ADGRL3: variants seen among roughly 807,000 people sequenced by gnomAD.
ADGRL3 encodes the protein calcium-independent alpha-latrotoxin receptor 3.
ADGRL3 carries 62 observed loss-of-function variants against 153.5 expected under a neutral mutation model. The ratio of observed to expected loss-of-function variants is 0.40; its 90% CI spans 0.33 to 0.50. The LOEUF (loss-of-function observed/expected upper bound fraction) is 0.50. Among genes scored for constraint, ADGRL3 ranks in the 20% least tolerant of loss-of-function variants. The pLI, the probability that ADGRL3 is intolerant of heterozygous loss-of-function variation, is 0.47. For missense variants in ADGRL3, 1,641 were observed against 1,859.4 expected, an observed-to-expected ratio of 0.88 and a Z score of 2.16; for synonymous variants, 710 against 672.5, an observed-to-expected ratio of 1.06 and a Z score of -0.86.
At chr4:61,659,284 A>G (rs966720835) in intron 5 of ADGRL3, among the ~76,000 whole-genome samples, 10 of 152,114 alleles carry the variant, frequency 6.6e-5, no homozygotes, top group Admixed American at 3.3e-4. Flanking sequence ...GCTCTTAAAC[A>G]TATCTTTTTG....
intron 1 of ADGRL3, among the ~76,000 whole-genome samples, chr4:61,247,444 T>C (rs532507213): frequency 6.6e-6 from 1 of 152,230 alleles, no homozygotes; most frequent in South Asian, 2.1e-4. Context: ...CAGCACAAAT[T>C]GTAAATCTTG....
chr4:61,432,498 T>C (rs1160775955), intron 2 of ADGRL3, among the ~76,000 whole-genome samples: 1 of 151,838 alleles, frequency 6.6e-6, no homozygotes, highest in Non-Finnish European at 1.5e-5. Context: ...GGTATGAAGT[T>C]GCTAATTTCT....
At chr4:61,931,609 T>G (rs2098817872) in intron 13 of ADGRL3, among the ~76,000 whole-genome samples, 1 of 152,190 alleles carries the variant, frequency 6.6e-6, no homozygotes, top group Admixed American at 6.5e-5. Context: ...TCTATCCTTG[T>G]GTAAACATTT....
At chr4:62,046,922 T>G (rs1731431285) in intron 25 of ADGRL3, among the ~76,000 whole-genome samples, 1 of 151,982 alleles carries the variant, frequency 6.6e-6, no homozygotes. Flanking sequence ...TTTAATCTTG[T>G]CTTATTTCCC....
chr4:62,007,383 T>TAC (rs71269038), intron 21 of ADGRL3, among the ~76,000 whole-genome samples: 6 of 30,766 alleles, frequency 2.0e-4, no homozygotes, highest in African/African-American at 6.3e-4. Context: ...TATATATATA[T>TAC]ACACACACAC....
chr4:61,434,121 G>T (rs1028996352), intron 2 of ADGRL3, among the ~76,000 whole-genome samples: 4 of 152,064 alleles, frequency 2.6e-5, no homozygotes, highest in African/African-American at 9.7e-5. Flanking sequence ...TTTCGGATCT[G>T]GTTATTTTTC....
chr4:61,308,360 C>T (rs189200439), intron 1 of ADGRL3, among the ~76,000 whole-genome samples: 24 of 152,198 alleles, frequency 1.6e-4, no homozygotes, highest in Admixed American at 1.2e-3. Context: ...GGAAGGGTGA[C>T]AGTGAGAAGA....
intron 2 of ADGRL3, among the ~76,000 whole-genome samples, chr4:61,455,874 A>G (rs1405257233): frequency 6.6e-6 from 1 of 151,998 alleles, no homozygotes; most frequent in Non-Finnish European, 1.5e-5. Context: ...GGCATGTAGT[A>G]GTTTGATCTC....
At chr4:61,219,556 T>A (rs778468680) in intron 1 of ADGRL3, among the ~76,000 whole-genome samples, 3 of 152,218 alleles carry the variant, frequency 2.0e-5, no homozygotes, top group Non-Finnish European at 4.4e-5. Flanking sequence ...CGATGATACC[T>A]GAAAAGAGAA....
At chr4:61,605,048 C>T (rs578005022) in intron 5 of ADGRL3, among the ~76,000 whole-genome samples, 4 of 124,708 alleles carry the variant, frequency 3.2e-5, no homozygotes, top group South Asian at 2.6e-4. Flanking sequence ...TGAGATCATG[C>T]CATTGCACTT....
chr4:62,025,141 G>A (rs796388975), intron 21 of ADGRL3, among the ~76,000 whole-genome samples: 5 of 152,100 alleles, frequency 3.3e-5, no homozygotes, highest in Admixed American at 1.3e-4. Context: ...AAGATGAAAT[G>A]TTTAGATTTT....
In ADGRL3 at chr4:61,930,564, C is replaced by A. The variant is rs140624008; in HGVS notation, c.2113-4276C>A. On this transcript the variant is annotated intron_variant, in intron 13 of 26. Transcript: ENST00000683033. ...AGTGTAATTATAAAGTATATAACAT[C>A]TTAACGAACATATCAGAGTTATATG... Among the ~76,000 whole-genome samples, 11 of 152,142 alleles carry A rather than the reference C, an allele frequency of 7.2e-5. No individual in the cohort carries two copies. In the East Asian group the frequency reaches 2.1e-3, roughly 29 times the overall value.
chr4:61,908,261 G>T (rs993593844), intron 11 of ADGRL3, among the ~76,000 whole-genome samples: 1 of 151,984 alleles, frequency 6.6e-6, no homozygotes, highest in African/African-American at 2.4e-5. Context: ...CACTTCTTCA[G>T]CCTGTGTGAC....
intron 5 of ADGRL3, among the ~76,000 whole-genome samples, chr4:61,596,159 C>G (rs573887252): frequency 2.0e-5 from 3 of 152,218 alleles, no homozygotes; most frequent in Admixed American, 6.5e-5. Flanking sequence ...TGTCATGGAG[C>G]TTTTCTATGT....
chr4:61,829,768 G>C (rs147840281), intron 9 of ADGRL3, among the ~76,000 whole-genome samples: 9 of 152,106 alleles, frequency 5.9e-5, no homozygotes, highest in African/African-American at 2.2e-4. Context: ...CACTATCAAA[G>C]CAATAGGTAC....
At chr4:61,623,422 G>A (rs942513638) in intron 5 of ADGRL3, among the ~76,000 whole-genome samples, 4 of 151,990 alleles carry the variant, frequency 2.6e-5, no homozygotes. Context: ...GCAGAAGTAT[G>A]TAGTCACAGC....
chr4:61,491,820 T>G (rs1036083539), intron 2 of ADGRL3, among the ~76,000 whole-genome samples: 1 of 152,164 alleles, frequency 6.6e-6, no homozygotes. Flanking sequence ...TACTATAAAT[T>G]AATTTTATAT....
intron 4 of ADGRL3, among the ~76,000 whole-genome samples, chr4:61,567,189 A>C (rs1264055999): frequency 1.3e-5 from 2 of 152,310 alleles, no homozygotes; most frequent in East Asian, 3.9e-4. Context: ...AAAGTTAAAT[A>C]ATTTGTCAGT....
chr4:61,560,042 T>C (rs1483552403), intron 4 of ADGRL3, among the ~76,000 whole-genome samples: 1 of 152,078 alleles, frequency 6.6e-6, no homozygotes, highest in Non-Finnish European at 1.5e-5. Context: ...TCAAGACTCA[T>C]TCCTTCTTTA....
Sources: gnomAD v4.1 joint callset for allele counts (sites outside exome capture counted in the v4.1 genomes callset) on GRCh38, gnomAD v4.1.1 for gene constraint, MANE v1.5 for transcripts, NCBI Gene and HGNC (gene_info 2026-07-23, HGNC 2026-07-21) for gene names.